The following RPS6KA5 variants were observed in gnomAD, a reference collection of about 807,000 sequenced individuals.
The protein encoded by RPS6KA5 is ribosomal protein S6 kinase A5.
A neutral mutation model predicts 85.5 loss-of-function variants in RPS6KA5; 27 were observed. That is an observed-to-expected ratio of 0.32 (90% CI 0.23 to 0.44). The LOEUF (loss-of-function observed/expected upper bound fraction) is 0.44, where lower values mean the gene tolerates loss of function less well. RPS6KA5 is among the 20% of genes least tolerant of loss of function. The probability of loss-of-function intolerance (pLI) is 1.00; values close to 1 mark genes in which losing one functional copy is unlikely to be tolerated. For missense variants in RPS6KA5, 811 were observed against 980.9 expected, an observed-to-expected ratio of 0.83 and a Z score of 2.31; for synonymous variants, 334 against 348.2, an observed-to-expected ratio of 0.96 and a Z score of 0.46.
chr14:91,050,523 G>T lies in RPS6KA5; in HGVS notation c.103+9809C>A, dbSNP rs534881187. 2.9e-4 allele frequency among the ~76,000 whole-genome samples: 44 copies of T among 152,314 alleles called. No homozygotes were observed. In the East Asian group the frequency reaches 8.5e-3, roughly 29 times the overall value. ...GGCTCACTGCAACTTCCGCCTCCCA[G>T]GTTCAAGCAATTCTCTTGCCTAAGC... On this transcript the variant is annotated intron_variant, in intron 1 of 16. Coordinates refer to ENST00000614987, the MANE Select transcript of RPS6KA5 (RefSeq NM_004755.4).
intron 1 of RPS6KA5, among the ~76,000 whole-genome samples, chr14:91,016,304 G>C (rs1039058059): frequency 2.0e-5 from 3 of 151,780 alleles, no homozygotes; most frequent in African/African-American, 7.3e-5. Flanking sequence ...TTGAACTCCT[G>C]GGCTCAAGAG....
chr14:91,059,815 A>G (rs2043551586), intron 1 of RPS6KA5, among the ~76,000 whole-genome samples: 1 of 152,202 alleles, frequency 6.6e-6, no homozygotes, highest in Non-Finnish European at 1.5e-5. Context: ...GACTCGGTAA[A>G]AGCCCGAGGC....
rs2032451002 is a variant in RPS6KA5, at chr14:90,859,727, T to A, written c.*12347A>T. ...AGAAAACGGGAGAGAGAAAACGGATTGGAAAAAACTATTTGAAGAATGACT... is the reference window on the plus strand; with the variant it reads ...AGAAAACGGGAGAGAGAAAACGGATAGGAAAAAACTATTTGAAGAATGACT... On this transcript the variant is annotated 3_prime_UTR_variant, in exon 17 of 17. Coordinates refer to ENST00000614987, the MANE Select transcript of RPS6KA5 (RefSeq NM_004755.4). The A allele has an allele frequency of 1.3e-5, 2 of 152,068 alleles. No homozygotes were observed. The highest frequency in any genetic ancestry group is 1.3e-4 in the Admixed American group (2 of 15,276). 9.4% of individuals were successfully genotyped at this position (152,068 alleles called of 1,614,324 possible).
Position 90,943,183 on chromosome 14 carries a change from C to T in RPS6KA5, c.513G>A (p.Leu171=). ...GCTTAATATCACGATATATAATCCC[C>T]AACTGCAAAAACAAAGAAATATAAA... ...IVLALEHLHK[L]GIIYRDIKLE... Residue 171 remains leucine (L), a splice_region_variant and synonymous_variant, in exon 5 of 17, where the codon TTG becomes TTA. Coordinates refer to ENST00000614987, the MANE Select transcript of RPS6KA5 (RefSeq NM_004755.4). 1.3e-6 allele frequency: 2 copies of T among 1,515,964 alleles called. No homozygotes were observed. The highest frequency in any genetic ancestry group is 1.8e-6 in the Non-Finnish European group (2 of 1,098,218). The allele number at this position is 1,515,964 out of a possible 1,614,324, so 93.9% of individuals were successfully genotyped here.
intron 1 of RPS6KA5, among the ~76,000 whole-genome samples, chr14:91,047,183 C>T (rs555799786): frequency 1.3e-5 from 2 of 152,140 alleles, no homozygotes; most frequent in South Asian, 4.1e-4. Context: ...TGCCTTGGTC[C>T]AGAAAAGATG....
rs1231397516 is a variant in RPS6KA5 at position 90,872,306 on chromosome 14, T to G, written c.2177A>C (p.Lys726Thr). 3 of 1,611,538 alleles carry G rather than the reference T, an allele frequency of 1.9e-6. No individual in the cohort carries two copies. Among genetic ancestry groups the G allele is most frequent in the Non-Finnish European group, 2.5e-6 (3 of 1,179,418 alleles). The stretch of plus-strand genomic sequence containing the variant: ...ATTCTGAAGGCAAAACCCCTCTCTC[T>G]TGTATTTGTTAAAGGCCTGGCGGGG... ...KATFHAFNKY[K>T]REGFCLQNVD... Residue 726 changes from lysine to threonine, a missense_variant, in exon 17 of 17, where the codon AAG becomes ACG. This residue lies in a region of RPS6KA5 where 650 missense variants were observed against 793.4 expected (regional missense o/e 0.82). Transcript: ENST00000614987.
At chr14:90,893,280 T>C (rs768788292) in intron 13 of RPS6KA5, among the ~76,000 whole-genome samples, 1 of 152,174 alleles carries the variant, frequency 6.6e-6, no homozygotes, top group Admixed American at 6.5e-5. Flanking sequence ...GTGAGAACTA[T>C]GATGAAGGAA....
At chr14:90,935,265 A>G (rs1340597038) in intron 5 of RPS6KA5, among the ~76,000 whole-genome samples, 1 of 152,174 alleles carries the variant, frequency 6.6e-6, no homozygotes, top group Non-Finnish European at 1.5e-5. Flanking sequence ...CTAGGCATTT[A>G]TTAGAGAAAG....
chr14:90,884,694 C>T (rs536842650), intron 14 of RPS6KA5, among the ~76,000 whole-genome samples: 1 of 152,316 alleles, frequency 6.6e-6, no homozygotes, highest in South Asian at 2.1e-4. Flanking sequence ...GTCTTCCCAG[C>T]ATCCTCTCTT....
intron 1 of RPS6KA5, 140 bp downstream of exon 1, chr14:91,060,192 C>T: frequency 1.0e-6 from 1 of 966,374 alleles, no homozygotes; most frequent in Non-Finnish European, 1.2e-6. Flanking sequence ...GGCACGCGCC[C>T]CGACCGCGAC....
intron 5 of RPS6KA5, among the ~76,000 whole-genome samples, chr14:90,942,765 C>T (rs2037640943): frequency 6.6e-6 from 1 of 152,096 alleles, no homozygotes; most frequent in African/African-American, 2.4e-5. Flanking sequence ...CCATAATTCT[C>T]CTGAAGGGCC....
At chr14:90,878,191 C>G (rs554517424) in intron 14 of RPS6KA5, among the ~76,000 whole-genome samples, 1 of 152,220 alleles carries the variant, frequency 6.6e-6, no homozygotes, top group Admixed American at 6.5e-5. Context: ...ATCCCCTGAA[C>G]CTTGCGTAGT....
At chr14:90,881,618 A>C (rs1335425272) in intron 14 of RPS6KA5, among the ~76,000 whole-genome samples, 1 of 152,024 alleles carries the variant, frequency 6.6e-6, no homozygotes, top group Non-Finnish European at 1.5e-5. Flanking sequence ...CTCCTGCCTT[A>C]GCCTCCTGAG....
chr14:91,035,894 AG>A (rs1566891972), intron 1 of RPS6KA5, among the ~76,000 whole-genome samples: 1 of 148,202 alleles, frequency 6.7e-6, no homozygotes, highest in Non-Finnish European at 1.5e-5. Flanking sequence ...CCAAAGCTGA[AG>A]AATATGGTAA....
At chr14:90,983,841 T>TCTCTCTCTC (rs1487178474) in intron 2 of RPS6KA5, among the ~76,000 whole-genome samples, 50 of 75,242 alleles carry the variant, frequency 6.6e-4, no homozygotes, top group East Asian at 2.4e-3. Flanking sequence ...CTCTCTCTCT[T>TCTCTCTCTC]TCTTTTTTTC....
intron 14 of RPS6KA5, among the ~76,000 whole-genome samples, chr14:90,876,022 T>C (rs1461709600): frequency 1.3e-5 from 2 of 151,730 alleles, no homozygotes; most frequent in African/African-American, 2.4e-5. Context: ...CTGCACGTTG[T>C]GCACATGTAC....
At position 90,875,298 on chromosome 14, in the gene RPS6KA5, G is replaced by A. The variant is rs560567621; in HGVS notation, c.1899C>T (p.Ser633=). 8.1e-6 allele frequency: 13 copies of A among 1,613,820 alleles called. No individual in the cohort carries two copies. In the African/African-American group the frequency reaches 9.3e-5, roughly 12 times the overall value. ...QSHDRSLTCT[S]AVEIMKKIKK... Reference sequence around the variant, plus strand: ...TAATTTTCTTCATGATTTCCACCGCGCTGGTACACGTCAAACTTCGGTCAT... The same window carrying A: ...TAATTTTCTTCATGATTTCCACCGCACTGGTACACGTCAAACTTCGGTCAT... The change falls in exon 15 of 17, where the codon AGC becomes AGT. Residue 633 remains serine, a synonymous_variant. Coordinates refer to ENST00000614987, the MANE Select transcript of RPS6KA5 (RefSeq NM_004755.4).
chr14:90,850,295 CAAG>C lies in RPS6KA5; in HGVS notation c.*21776_*21778del, dbSNP rs973380972. ...AATAAATCCAGCTGCTACAGAATGACAAGAAGAACAGTCATGATTGTAGTCAAT... is the reference window on the plus strand; with the variant it reads ...AATAAATCCAGCTGCTACAGAATGACAAGAACAGTCATGATTGTAGTCAAT... On this transcript the variant is annotated 3_prime_UTR_variant, in exon 17 of 17. Transcript: ENST00000614987. 1 of 152,102 alleles carries C rather than the reference CAAG, an allele frequency of 6.6e-6. No homozygotes were observed. The highest frequency in any genetic ancestry group is 1.9e-4 in the East Asian group (1 of 5,194). 9.4% of individuals were successfully genotyped at this position (152,102 alleles called of 1,614,324 possible). A position where few individuals can be genotyped will look rare whatever the true frequency, so the allele number is the denominator to read the frequency against.
At chr14:91,031,965 T>C (rs964592031) in intron 1 of RPS6KA5, among the ~76,000 whole-genome samples, 3 of 152,172 alleles carry the variant, frequency 2.0e-5, no homozygotes, top group Non-Finnish European at 4.4e-5. Context: ...TAAGTATTTA[T>C]ATGGATCGTT....
Sources: gnomAD v4.1 joint callset for allele counts (sites outside exome capture counted in the v4.1 genomes callset) on GRCh38, gnomAD v4.1.1 for gene constraint, gnomAD v4.1.1 regional missense constraint, MANE v1.5 for transcripts, NCBI Gene and HGNC (gene_info 2026-07-23, HGNC 2026-07-21) for gene names.